CPT2: variants seen among roughly 807,000 people sequenced by gnomAD.
CPT2 encodes carnitine O-palmitoyltransferase 2, mitochondrial.
A neutral mutation model predicts 48.6 loss-of-function variants in CPT2; 37 were observed. The observed-to-expected ratio is 0.76, with a 90% CI of 0.59 to 1.00. CPT2 has a LOEUF of 1.00. CPT2 is among the 50% of genes least tolerant of loss of function. CPT2 has a pLI of 0.00. For synonymous variants in CPT2, 319 were observed against 326.9 expected (o/e 0.98, Z 0.26); for missense variants, 772 against 825.6 (o/e 0.94, Z 0.80).
intron 3 of CPT2, among the ~76,000 whole-genome samples, chr1:53,205,653 C>A (rs1645382966): frequency 6.6e-6 from 1 of 152,204 alleles, no homozygotes; most frequent in African/African-American, 2.4e-5. Context: ...TTTACAGTAG[C>A]CCCTCCCAGC....
At position 53,210,280 on chromosome 1, in the gene CPT2, T is replaced by C. The variant is rs755830520; in HGVS notation, c.606T>C (p.Tyr202=). 11 of 1,614,118 alleles carry C rather than the reference T, an allele frequency of 6.8e-6. 1 individual carries two copies. In the South Asian group the frequency reaches 1.1e-4, roughly 16 times the overall value. ...IRFVPSSLSW[Y]GAYLVNAYPL... ...TTGTGCCTTCCTCTCTGTCCTGGTATGGGGCCTACCTGGTCAATGCGTATC... is the reference window on the plus strand; with the variant it reads ...TTGTGCCTTCCTCTCTGTCCTGGTACGGGGCCTACCTGGTCAATGCGTATC... The change falls in exon 4 of 5, where the codon TAT becomes TAC. Residue 202 remains tyrosine, a synonymous_variant. Coordinates refer to ENST00000371486, the MANE Select transcript of CPT2 (RefSeq NM_000098.3).
chr1:53,200,972 A>G, intron 2 of CPT2, 173 bp downstream of exon 2: 1 of 677,510 alleles, frequency 1.5e-6, no homozygotes. Context: ...TGAAGGACTG[A>G]CCAAGCCCCG....
rs903240899 is a variant in CPT2, at chr1:53,202,050, G to C, written c.234-273G>C. 9.5e-6 allele frequency: 4 copies of C among 419,340 alleles called. No individual in the cohort carries two copies. The Admixed American group carries it at 1.4e-4, about 15-fold the overall frequency. 26.0% of individuals were successfully genotyped at this position (419,340 alleles called of 1,614,324 possible). A position where few individuals can be genotyped will look rare whatever the true frequency, so the allele number is the denominator to read the frequency against. ...TTAACTTCTGTTGACTCCAGAGCTT[G>C]TGTCCTTTTCTCCATGCCAAACTGC... On this transcript the variant is annotated intron_variant, in intron 2 of 4. Coordinates refer to ENST00000371486, the MANE Select transcript of CPT2 (RefSeq NM_000098.3).
At position 53,200,167 on chromosome 1, in the gene CPT2, A is replaced by G. The variant is rs148461803; in HGVS notation, c.153-552A>G. Reference sequence around the variant, plus strand: ...CACAGGGACTATTTGGTTCTTCCTAATGGCGTTCCTGGTATCTGGGCATGG... The same window carrying G: ...CACAGGGACTATTTGGTTCTTCCTAGTGGCGTTCCTGGTATCTGGGCATGG... On this transcript the variant is annotated intron_variant, in intron 1 of 4. Transcript: ENST00000371486. 1.9e-4 allele frequency: 30 copies of G among 154,366 alleles called. No homozygotes were observed. The East Asian group carries it at 5.6e-3, about 29-fold the overall frequency. 9.6% of individuals were successfully genotyped at this position (154,366 alleles called of 1,614,324 possible).
chr1:53,205,786 G>A (rs1645383782), intron 3 of CPT2, among the ~76,000 whole-genome samples: 1 of 152,236 alleles, frequency 6.6e-6, no homozygotes, highest in African/African-American at 2.4e-5. Flanking sequence ...AGGGGCCAAG[G>A]CACAGCTCTG....
chr1:53,202,477 A>G, intron 3 of CPT2, 48 bp downstream of exon 3: 3 of 1,447,240 alleles, frequency 2.1e-6, no homozygotes, highest in Non-Finnish European at 2.9e-6. Context: ...GCCCTCCATA[A>G]TGAAAAGTAA....
chr1:53,202,609 G>A lies in CPT2; in HGVS notation c.340+180G>A, dbSNP rs1645360822. The A allele has an allele frequency of 7.7e-6, 5 of 650,048 alleles. No individual in the cohort carries two copies. In the Admixed American group the frequency reaches 1.1e-4, roughly 14 times the overall value. The allele number at this position is 650,048 out of a possible 1,614,324, so 40.3% of individuals were successfully genotyped here. On this transcript the variant is annotated intron_variant, in intron 3 of 4. Transcript: ENST00000371486. Reference sequence around the variant, plus strand: ...GAGTGTGTTCCTCCTCTACTGAGGTGTTGACTTGAGCCCATGCTCAAGAAT... The same window carrying A: ...GAGTGTGTTCCTCCTCTACTGAGGTATTGACTTGAGCCCATGCTCAAGAAT...
At chr1:53,207,202 G>C (rs1441593282) in intron 3 of CPT2, among the ~76,000 whole-genome samples, 1 of 152,218 alleles carries the variant, frequency 6.6e-6, no homozygotes, top group Admixed American at 6.5e-5. Context: ...CAGCCATGCG[G>C]AACTAAGTCA....
At chr1:53,205,160 G>A (rs1026820820) in intron 3 of CPT2, among the ~76,000 whole-genome samples, 2 of 152,156 alleles carry the variant, frequency 1.3e-5, no homozygotes, top group African/African-American at 4.8e-5. Context: ...AGAGTTGAAT[G>A]GTTTTGACCA....
At position 53,213,793 on chromosome 1, in the gene CPT2, G is replaced by A. The variant is rs753223538; in HGVS notation, c.*198G>A. On this transcript the variant is annotated 3_prime_UTR_variant, in exon 5 of 5. Coordinates refer to ENST00000371486, the MANE Select transcript of CPT2 (RefSeq NM_000098.3). ...AAAATACAAAAATTAGCTGGGTGTG[G>A]TGGCATGTGCCTATAATCCCAGCTA... 14 of 561,444 alleles carry A rather than the reference G, an allele frequency of 2.5e-5. No individual in the cohort carries two copies. Among genetic ancestry groups the A allele is most frequent in the Non-Finnish European group, 3.8e-5 (12 of 314,118 alleles). The allele number at this position is 561,444 out of a possible 1,614,324, so 34.8% of individuals were successfully genotyped here. A position where few individuals can be genotyped will look rare whatever the true frequency, so the allele number is the denominator to read the frequency against.
Position 53,213,664 on chromosome 1 carries a change from C to G in CPT2, c.*69C>G. On this transcript the variant is annotated 3_prime_UTR_variant, in exon 5 of 5. Coordinates refer to ENST00000371486, the MANE Select transcript of CPT2 (RefSeq NM_000098.3). ...AACTGGGAGGCCGGGCATGGTGGCTCATGCCTGTAATCCCAGCATTTTGAG... is the reference window on the plus strand; with the variant it reads ...AACTGGGAGGCCGGGCATGGTGGCTGATGCCTGTAATCCCAGCATTTTGAG... The G allele has an allele frequency of 7.1e-7, 1 of 1,400,428 alleles. No individual in the cohort carries two copies. Among genetic ancestry groups the G allele is most frequent in the Non-Finnish European group, 9.9e-7 (1 of 1,010,946 alleles). 86.8% of individuals were successfully genotyped at this position (1,400,428 alleles called of 1,614,324 possible). A position where few individuals can be genotyped will look rare whatever the true frequency, so the allele number is the denominator to read the frequency against.
chr1:53,206,505 G>A (rs964024006), intron 3 of CPT2, among the ~76,000 whole-genome samples: 1 of 152,234 alleles, frequency 6.6e-6, no homozygotes, highest in Admixed American at 6.5e-5. Flanking sequence ...GTACTCTGCA[G>A]AGCCACAGGG....
At position 53,200,642 on chromosome 1, in the gene CPT2, T is replaced by C. The variant is rs543011951; in HGVS notation, c.153-77T>C. ...GGGGAGGAAATTAATGATCTAGTAA[T>C]CAGTTCATTAGCTTGTAAAGCTAAT... On this transcript the variant is annotated intron_variant, in intron 1 of 4. Coordinates refer to ENST00000371486, the MANE Select transcript of CPT2 (RefSeq NM_000098.3). The C allele has an allele frequency of 2.4e-4, 255 of 1,066,946 alleles. No individual in the cohort carries two copies. The African/African-American group carries it at 3.8e-3, about 16-fold the overall frequency. The allele number at this position is 1,066,946 out of a possible 1,614,324, so 66.1% of individuals were successfully genotyped here.
chr1:53,205,245 A>G (rs1645380052), intron 3 of CPT2, among the ~76,000 whole-genome samples: 1 of 152,132 alleles, frequency 6.6e-6, no homozygotes. Context: ...CTTATTGGGA[A>G]CTGGAGCAAA....
intron 3 of CPT2, among the ~76,000 whole-genome samples, chr1:53,204,654 T>C (rs1645376459): frequency 6.6e-6 from 1 of 152,148 alleles, no homozygotes; most frequent in Non-Finnish European, 1.5e-5. Context: ...TGGCTCTATG[T>C]CCCCACCCAA....
chr1:53,213,269 G>A lies in CPT2; in HGVS notation c.1651G>A (p.Gly551Ser), dbSNP rs749779852. ...TTCCATTTTGTTTCTCACAGGCCAG[G>A]GCTTTGACCGACACTTGTTTGCTCT... ...QLTKEAAMGQGFDRHLFALRH... is the reference protein window; with the variant it reads ...QLTKEAAMGQSFDRHLFALRH... The change falls in exon 5 of 5, where the codon GGC becomes AGC. Residue 551 changes from glycine (G) to serine (S), a missense_variant. By Grantham distance (56) the Gly-to-Ser change is moderately conservative. Transcript: ENST00000371486. 2.6e-5 allele frequency: 42 copies of A among 1,614,010 alleles called. No individual in the cohort carries two copies. Among genetic ancestry groups the A allele is most frequent in the Non-Finnish European group, 3.5e-5 (41 of 1,180,052 alleles).
chr1:53,209,687 A>G (rs371774159), intron 3 of CPT2: 5 of 337,896 alleles, frequency 1.5e-5, no homozygotes, highest in East Asian at 1.6e-4. Flanking sequence ...GAGGCAGGAG[A>G]ATCGCTTCAA....
chr1:53,210,312 A>C lies in CPT2; in HGVS notation c.638A>C (p.Asp213Ala), dbSNP rs74315300. Residue 213 changes from aspartate to alanine, a missense_variant, in exon 4 of 5, where the codon GAT becomes GCT. By Grantham distance (126) the Asp-to-Ala change is moderately radical. Coordinates refer to ENST00000371486, the MANE Select transcript of CPT2 (RefSeq NM_000098.3). ...TACCTGGTCAATGCGTATCCCCTGG[A>C]TATGTCCCAGTATTTTCGGCTTTTC... is the stretch of plus-strand genomic sequence containing the variant. ...GAYLVNAYPL[D>A]MSQYFRLFNS... 2.5e-6 allele frequency: 4 copies of C among 1,614,002 alleles called. No homozygotes were observed. Among genetic ancestry groups the C allele is most frequent in the Non-Finnish European group, 3.4e-6 (4 of 1,180,040 alleles).
At chr1:53,197,539 A>G (rs1406502631) in intron 1 of CPT2, 2 of 269,974 alleles carry the variant, frequency 7.4e-6, no homozygotes. Flanking sequence ...CATGGTTACC[A>G]TTCCTTAACT....
Sources: allele counts gnomAD v4.1 joint callset (sites outside exome capture counted in the v4.1 genomes callset), GRCh38; gene constraint gnomAD v4.1.1; transcripts MANE v1.5; gene names NCBI Gene and HGNC (gene_info 2026-07-23, HGNC 2026-07-21).